Variants in SMARCA2 observed in about 807,000 individuals in gnomAD.
SMARCA2 encodes SWI/SNF-related matrix-associated actin-dependent regulator of chromatin subfamily A member 2.
In SMARCA2, 61 loss-of-function variants were observed where a neutral mutation model predicts 199.8. That is an observed-to-expected ratio of 0.31 (90% CI 0.25 to 0.38). The LOEUF is 0.38. Among genes scored for constraint, SMARCA2 ranks in the 10% least tolerant of loss-of-function variants. SMARCA2 has a pLI of 1.00. For synonymous variants in SMARCA2, 935 were observed against 732.0 expected, an observed-to-expected ratio of 1.28 and a Z score of -4.48; for missense variants, 1,344 against 2,012.2, an observed-to-expected ratio of 0.67 and a Z score of 6.35.
intron 9 of SMARCA2, among the ~76,000 whole-genome samples, chr9:2,062,048 C>T (rs1243037428): frequency 1.3e-5 from 2 of 152,106 alleles, no homozygotes; most frequent in Admixed American, 1.3e-4. Context: ...ACTCCAGCTC[C>T]AATTCCTACC....
At chr9:2,050,345 T>C (rs569483479) in intron 5 of SMARCA2, among the ~76,000 whole-genome samples, 36 of 152,300 alleles carry the variant, frequency 2.4e-4, no homozygotes, top group African/African-American at 7.0e-4. Flanking sequence ...TTTTTTTTCT[T>C]TTTGGCACAC....
intron 27 of SMARCA2, among the ~76,000 whole-genome samples, chr9:2,142,890 T>C (rs775281700): frequency 6.6e-6 from 1 of 152,150 alleles, no homozygotes; most frequent in African/African-American, 2.4e-5. Context: ...AAAGACTTAA[T>C]TGTATCTCAC....
chr9:2,138,826 A>G (rs1054297359), intron 27 of SMARCA2, among the ~76,000 whole-genome samples: 1 of 152,182 alleles, frequency 6.6e-6, no homozygotes, highest in Admixed American at 6.5e-5. Flanking sequence ...CCTAGAAAGA[A>G]CCATGTGGGT....
At chr9:2,099,769 G>A (rs1822429467) in intron 21 of SMARCA2, among the ~76,000 whole-genome samples, 1 of 152,128 alleles carries the variant, frequency 6.6e-6, no homozygotes, top group African/African-American at 2.4e-5. Context: ...GCCAGATGCT[G>A]AGCCTCAAAA....
At chr9:2,089,623 A>G (rs143476823) in intron 19 of SMARCA2, among the ~76,000 whole-genome samples, 42 of 152,348 alleles carry the variant, frequency 2.8e-4, no homozygotes, top group African/African-American at 8.2e-4. Flanking sequence ...TACCATGCAT[A>G]TCTCAGTGAA....
rs1219042672 is a variant in SMARCA2, at chr9:2,193,027, G to C, written c.*288G>C. 2.9e-6 allele frequency: 1 copy of C among 342,564 alleles called. No homozygotes were observed. The highest frequency in any genetic ancestry group is 4.7e-5 in the Admixed American group (1 of 21,228). 21.2% of individuals were successfully genotyped at this position (342,564 alleles called of 1,614,324 possible). On this transcript the variant is annotated 3_prime_UTR_variant, in exon 34 of 34. Transcript: ENST00000349721. ...TGTGGGTGGATAGTATATTTCTATG[G>C]GTGGGTCTAATTTGGTAACGGTTTG...
chr9:2,030,111 G>C (rs1411520854), intron 2 of SMARCA2, among the ~76,000 whole-genome samples: 1 of 152,222 alleles, frequency 6.6e-6, no homozygotes, highest in African/African-American at 2.4e-5. Flanking sequence ...ATCACAGGTG[G>C]ATAGGGTGGC....
chr9:2,181,664 C>CA lies in SMARCA2; in HGVS notation c.4354dup (p.Ile1452AsnfsTer7). 1.4e-6 allele frequency: 2 copies of CA among 1,454,250 alleles called. No individual in the cohort carries two copies. The highest frequency in any genetic ancestry group is 1.9e-6 in the Non-Finnish European group (2 of 1,036,950). The allele number at this position is 1,454,250 out of a possible 1,614,324, so 90.1% of individuals were successfully genotyped here. ...AATTAATTAGGAAGCCAGTGGATTTCAAAAAAATAAAGGTAGATATTTTGT... is the reference window on the plus strand; with the variant it reads ...AATTAATTAGGAAGCCAGTGGATTTCAAAAAAAATAAAGGTAGATATTTTGT... On this transcript the variant is annotated frameshift_variant, in exon 30 of 34. Transcript: ENST00000349721. LOFTEE classifies it high-confidence loss of function.
chr9:2,097,607 T>G (rs1822326921), intron 21 of SMARCA2, 136 bp downstream of exon 21: 2 of 576,778 alleles, frequency 3.5e-6, no homozygotes, highest in Non-Finnish European at 6.1e-6. Context: ...TGACATGATC[T>G]GATAGCTCGA....
intron 18 of SMARCA2, 94 bp from the exon 19 acceptor site, chr9:2,088,406 C>CATGT: frequency 7.2e-7 from 1 of 1,381,584 alleles, no homozygotes. Flanking sequence ...AAATGTCAAT[C>CATGT]ATGTATTGAA....
At chr9:2,185,737 AAAG>A (rs1263757809) in intron 31 of SMARCA2, among the ~76,000 whole-genome samples, 14 of 152,206 alleles carry the variant, frequency 9.2e-5, no homozygotes, top group African/African-American at 3.4e-4. Context: ...ACTGCATTTT[AAAG>A]AAGATTGCTT....
At chr9:2,041,435 A>G (rs1000315910) in intron 4 of SMARCA2, 2 of 398,492 alleles carry the variant, frequency 5.0e-6, no homozygotes, top group African/African-American at 4.1e-5. Context: ...GTGTCCTCAC[A>G]TGGCAGAAGA....
At position 2,086,780 on chromosome 9, in the gene SMARCA2, T is replaced by G. The variant is rs752000562; in HGVS notation, c.2527-49T>G. 6.2e-7 allele frequency: 1 copy of G among 1,604,694 alleles called. No homozygotes were observed. Among genetic ancestry groups the G allele is most frequent in the South Asian group, 1.1e-5 (1 of 90,556 alleles). ...CCACCACTTGCTTGTTGGAAATAGT[T>G]GTATTTTCCCTTGCTTACTACACGT... is the stretch of plus-strand genomic sequence containing the variant. On this transcript the variant is annotated intron_variant, in intron 17 of 33. Transcript: ENST00000349721. The surrounding 1 kb of genome is among the most constrained non-coding windows in gnomAD (Gnocchi z 4.3).
rs957603281 is a variant in SMARCA2, at chr9:2,123,297, G to A, written c.3763-422G>A. Reference sequence around the variant, plus strand: ...AAGCACAAGCCCTATTGAATAAAAGGAAACTTTCTTAAAGATCTTTCTTTT... The same window carrying A: ...AAGCACAAGCCCTATTGAATAAAAGAAAACTTTCTTAAAGATCTTTCTTTT... On this transcript the variant is annotated intron_variant, in intron 26 of 33. Coordinates refer to ENST00000349721, the MANE Select transcript of SMARCA2 (RefSeq NM_003070.5). This position sits in a 1 kb window ranked among gnomAD's most constrained non-coding sequence, Gnocchi z 4.1. 6.6e-6 allele frequency among the ~76,000 whole-genome samples: 1 copy of A among 151,918 alleles called. No homozygotes were observed. Among genetic ancestry groups the A allele is most frequent in the African/African-American group, 2.4e-5 (1 of 41,344 alleles).
rs1822954640 is a variant in SMARCA2, at chr9:2,110,689, T to A, written c.3456+272T>A. The stretch of plus-strand genomic sequence containing the variant: ...CTCTTGGGATTGCCATTGAACAAAG[T>A]ATATTTAATGAGGGATAAGTCAAAA... On this transcript the variant is annotated intron_variant, in intron 24 of 33. Transcript: ENST00000349721. The surrounding 1 kb of genome is among the most constrained non-coding windows in gnomAD (Gnocchi z 4.8). Among the ~76,000 whole-genome samples, 1 of 152,206 alleles carries A rather than the reference T, an allele frequency of 6.6e-6. No individual in the cohort carries two copies. Among genetic ancestry groups the A allele is most frequent in the Non-Finnish European group, 1.5e-5 (1 of 68,038 alleles).
intron 10 of SMARCA2, among the ~76,000 whole-genome samples, chr9:2,070,758 G>A (rs540825026): frequency 6.6e-6 from 1 of 152,270 alleles, no homozygotes; most frequent in Non-Finnish European, 1.5e-5. Flanking sequence ...TATAGGATGT[G>A]TAAGAATCTT....
intron 25 of SMARCA2, among the ~76,000 whole-genome samples, chr9:2,118,056 T>C (rs936194948): frequency 2.6e-5 from 4 of 152,198 alleles, no homozygotes; most frequent in African/African-American, 9.7e-5. Flanking sequence ...ACAGGCACTT[T>C]ACAAGAGAAT....
At chr9:2,024,454 C>T (rs1231467198) in intron 1 of SMARCA2, among the ~76,000 whole-genome samples, 1 of 152,012 alleles carries the variant, frequency 6.6e-6, no homozygotes, top group Admixed American at 6.6e-5. Flanking sequence ...ATTTTTGTAC[C>T]GCCTGCATGC....
At chr9:2,131,553 T>G (rs2130652395) in intron 27 of SMARCA2, among the ~76,000 whole-genome samples, 1 of 152,306 alleles carries the variant, frequency 6.6e-6, no homozygotes, top group East Asian at 1.9e-4. Flanking sequence ...TCCTTTTCCT[T>G]GACCAGTCTG....
Sources: allele counts gnomAD v4.1 joint callset (sites outside exome capture counted in the v4.1 genomes callset), GRCh38; gene constraint gnomAD v4.1.1; non-coding constraint Gnocchi (gnomAD v3.1); transcripts MANE v1.5; gene names NCBI Gene and HGNC (gene_info 2026-07-23, HGNC 2026-07-21).